SEPTIN9: variants seen among roughly 807,000 people sequenced by gnomAD.
The protein encoded by SEPTIN9 is septin 9, also known as septin-9.
SEPTIN9 carries 13 observed loss-of-function variants against 56.6 expected under a neutral mutation model. That is an observed-to-expected ratio of 0.23 (90% confidence interval 0.15 to 0.37). The LOEUF (loss-of-function observed/expected upper bound fraction) is 0.37. Among genes scored for constraint, SEPTIN9 ranks in the 10% least tolerant of loss-of-function variants. The probability of loss-of-function intolerance (pLI) is 1.00; values close to 1 mark genes in which losing one functional copy is unlikely to be tolerated. For missense variants in SEPTIN9, 650 were observed against 823.1 expected, an observed-to-expected ratio of 0.79 and a Z score of 2.57; for synonymous variants, 332 against 334.1, an observed-to-expected ratio of 0.99 and a Z score of 0.07.
chr17:77,373,624 CG>C, intron 2 of SEPTIN9: 3 of 1,520,414 alleles, frequency 2.0e-6, no homozygotes, highest in Non-Finnish European at 8.8e-7. Context: ...TGGCGCGGGA[CG>C]GGGGTGCGCT....
At chr17:77,444,896 T>G in intron 3 of SEPTIN9, 1 of 345,870 alleles carries the variant, frequency 2.9e-6, no homozygotes, top group South Asian at 2.3e-5. Flanking sequence ...AGGGAGAAAG[T>G]TCACAGTTTG....
At chr17:77,459,118 C>T (rs2038346736) in intron 3 of SEPTIN9, among the ~76,000 whole-genome samples, 1 of 152,216 alleles carries the variant, frequency 6.6e-6, no homozygotes, top group Non-Finnish European at 1.5e-5. Flanking sequence ...CTCCTCAGGC[C>T]CCCTGAGTGC....
chr17:77,283,224 T>TG (rs1414511173), intron 1 of SEPTIN9, among the ~76,000 whole-genome samples: 1 of 149,220 alleles, frequency 6.7e-6, no homozygotes, highest in Non-Finnish European at 1.5e-5. Context: ...GTAGAGTTTG[T>TG]GGAGTGAGCA....
In SEPTIN9 at chr17:77,437,403, AT is replaced by A. The variant is rs1396208138; in HGVS notation, c.721+34702del. ...AGCCGGAATGGACCTGGGCTCAGAG[AT>A]TGTAAATTCATCTTGCTGGATGTGT... On this transcript the variant is annotated intron_variant, in intron 3 of 11. Transcript: ENST00000427177. The surrounding 1 kb of genome is among the most constrained non-coding windows in gnomAD (Gnocchi z 5.3). Among the ~76,000 whole-genome samples the A allele has an allele frequency of 3.9e-5, 6 of 151,948 alleles. No homozygotes were observed. In the East Asian group the frequency reaches 1.2e-3, roughly 30 times the overall value.
intron 10 of SEPTIN9, among the ~76,000 whole-genome samples, chr17:77,496,818 A>T (rs1454125265): frequency 6.6e-6 from 1 of 152,220 alleles, no homozygotes; most frequent in South Asian, 2.1e-4. Flanking sequence ...CACAAGGTGG[A>T]TGGGGCCGTG....
rs766227399 is a variant in SEPTIN9, at chr17:77,482,463, C to T, written c.913+128C>T. On this transcript the variant is annotated intron_variant, in intron 4 of 11. Transcript: ENST00000427177. Reference sequence around the variant, plus strand: ...GGGGCAGCAACCCTGACCTCAAGGACGGATTGCCAGTGACATTGCGTGTGC... The same window carrying T: ...GGGGCAGCAACCCTGACCTCAAGGATGGATTGCCAGTGACATTGCGTGTGC... 1.2e-5 allele frequency: 11 copies of T among 953,764 alleles called. No homozygotes were observed. In the Admixed American group the frequency reaches 1.4e-4, roughly 12 times the overall value. 59.1% of individuals were successfully genotyped at this position (953,764 alleles called of 1,614,324 possible).
chr17:77,418,309 T>A (rs2036574617), intron 3 of SEPTIN9, among the ~76,000 whole-genome samples: 1 of 152,126 alleles, frequency 6.6e-6, no homozygotes, highest in Non-Finnish European at 1.5e-5. Context: ...CACGGCCTCC[T>A]TGTCAGGCTC....
At chr17:77,419,194 C>G (rs2144204079) in intron 3 of SEPTIN9, among the ~76,000 whole-genome samples, 1 of 152,352 alleles carries the variant, frequency 6.6e-6, no homozygotes, top group South Asian at 2.1e-4. Context: ...GGTGGTCTTT[C>G]CCTCTGCCCC....
At chr17:77,491,029 G>C (rs1040818261) in intron 8 of SEPTIN9, among the ~76,000 whole-genome samples, 170 bp downstream of exon 8, 2 of 152,156 alleles carry the variant, frequency 1.3e-5, no homozygotes, top group African/African-American at 4.8e-5. Context: ...GTGGCTGCTG[G>C]GGGCCGTCCC....
chr17:77,488,655 T>C, intron 6 of SEPTIN9, 72 bp from the exon 7 acceptor site: 1 of 1,598,238 alleles, frequency 6.3e-7, no homozygotes, highest in South Asian at 1.1e-5. Flanking sequence ...GGGCTCTGAG[T>C]CCTGGGAATG....
chr17:77,447,067 T>C (rs901055196), intron 3 of SEPTIN9: 1 of 167,096 alleles, frequency 6.0e-6, no homozygotes, highest in Non-Finnish European at 1.5e-5. Context: ...CCATTCGCCC[T>C]CTCCAGCCCT....
In SEPTIN9 at chr17:77,395,554, C is replaced by T. The variant is rs374435698; in HGVS notation, c.77-6505C>T. Among the ~76,000 whole-genome samples the T allele has an allele frequency of 6.0e-3, 902 of 150,590 alleles. 9 individuals are homozygous for T. Among genetic ancestry groups the T allele is most frequent in the African/African-American group, 0.02 (827 of 41,052 alleles). The stretch of plus-strand genomic sequence containing the variant: ...AAAAAAAAAAAAAAAAGAACAATAT[C>T]GATGGTTTTATTCCCTGAACATGCT... On this transcript the variant is annotated intron_variant, in intron 2 of 11. Coordinates refer to ENST00000427177, the MANE Select transcript of SEPTIN9 (RefSeq NM_001113491.2).
At chr17:77,332,833 C>T (rs978561806) in intron 2 of SEPTIN9, among the ~76,000 whole-genome samples, 2 of 152,216 alleles carry the variant, frequency 1.3e-5, no homozygotes, top group Non-Finnish European at 2.9e-5. Flanking sequence ...GTAACGTCCA[C>T]TGTGTGAACA....
intron 3 of SEPTIN9, among the ~76,000 whole-genome samples, chr17:77,457,320 G>A (rs554250647): frequency 6.6e-6 from 1 of 152,268 alleles, no homozygotes; most frequent in East Asian, 1.9e-4. Context: ...AAGCATCACT[G>A]CATGGACCAT....
chr17:77,395,785 C>A (rs780150314), intron 2 of SEPTIN9, among the ~76,000 whole-genome samples: 8 of 152,188 alleles, frequency 5.3e-5, no homozygotes, highest in Non-Finnish European at 8.8e-5. Flanking sequence ...ATATTCTCGG[C>A]ATTTCTCATC....
At chr17:77,373,323 C>T (rs1407682934) in intron 2 of SEPTIN9, 2 of 1,167,702 alleles carry the variant, frequency 1.7e-6, no homozygotes, top group African/African-American at 3.2e-5. Flanking sequence ...GGCCGGCGCC[C>T]GCCTTCCTCC....
chr17:77,468,432 G>C (rs942125108), intron 3 of SEPTIN9, among the ~76,000 whole-genome samples: 6 of 152,218 alleles, frequency 3.9e-5, no homozygotes, highest in African/African-American at 1.4e-4. Flanking sequence ...GGCAGCCAGA[G>C]AGGCTGTGCG....
At position 77,492,893 on chromosome 17, in the gene SEPTIN9, A is replaced by AGGCTCAGGGCAGCTCCTCCCGGG; in HGVS notation, c.1477-83_1477-61dup. ...GAGGCTCTCGTTTTTGGGGGACCCC[A>AGGCTCAGGGCAGCTCCTCCCGGG]GGCTCAGGGCAGCTCCTCCCGGGGG... On this transcript the variant is annotated intron_variant, in intron 9 of 11. Coordinates refer to ENST00000427177, the MANE Select transcript of SEPTIN9 (RefSeq NM_001113491.2). This position sits in a 1 kb window ranked among gnomAD's most constrained non-coding sequence, Gnocchi z 5.4. The AGGCTCAGGGCAGCTCCTCCCGGG allele has an allele frequency of 7.4e-7, 1 of 1,352,290 alleles. No homozygotes were observed. The highest frequency in any genetic ancestry group is 1.0e-6 in the Non-Finnish European group (1 of 961,984). 83.8% of individuals were successfully genotyped at this position (1,352,290 alleles called of 1,614,324 possible).
chr17:77,291,260 T>G (rs1248649334), intron 1 of SEPTIN9, among the ~76,000 whole-genome samples: 1 of 150,072 alleles, frequency 6.7e-6, no homozygotes, highest in Non-Finnish European at 1.5e-5. Flanking sequence ...GGTCTCAAAC[T>G]CCTGACCTCG....
Sources: allele counts gnomAD v4.1 joint callset (sites outside exome capture counted in the v4.1 genomes callset), GRCh38; gene constraint gnomAD v4.1.1; non-coding constraint Gnocchi (gnomAD v3.1); transcripts MANE v1.5; gene names NCBI Gene and HGNC (gene_info 2026-07-23, HGNC 2026-07-21).